The following NEMP2 variants were observed in gnomAD, a reference collection of about 807,000 sequenced individuals.
The protein encoded by NEMP2 is nuclear envelope integral membrane protein 2, also known as UPF0571 transmembrane protein.
NEMP2 carries 53 observed loss-of-function variants against 54.2 expected under a neutral mutation model. That is an observed-to-expected ratio of 0.98 (90% CI 0.78 to 1.23). The LOEUF (loss-of-function observed/expected upper bound fraction) is 1.23, where lower values mean the gene tolerates loss of function less well. Among genes scored for constraint, NEMP2 ranks in the 50% most tolerant of loss-of-function variants. The probability of loss-of-function intolerance (pLI) is 0.00; values close to 1 mark genes in which losing one functional copy is unlikely to be tolerated. For missense variants in NEMP2, 455 were observed against 511.3 expected (o/e 0.89, Z 1.06); for synonymous variants, 197 against 190.3 (o/e 1.04, Z -0.29).
At chr2:190,574,484 C>T in the NEMP2 span, among the ~76,000 whole-genome samples, 1 of 152,042 alleles carries the variant, frequency 6.6e-6, no homozygotes, top group Admixed American at 6.5e-5. Context: ...ATTCATATAC[C>T]ATATGTCACC....
At chr2:190,517,839 T>C (rs1415803609) in intron 4 of NEMP2, among the ~76,000 whole-genome samples, 6 of 152,230 alleles carry the variant, frequency 3.9e-5, no homozygotes, top group African/African-American at 9.6e-5. Flanking sequence ...ATTTTTCATA[T>C]TCAGGATCTG....
chr2:190,559,020 C>G, the NEMP2 span, among the ~76,000 whole-genome samples: 1 of 152,098 alleles, frequency 6.6e-6, no homozygotes, highest in Non-Finnish European at 1.5e-5. The surrounding 1 kb of genome is among the most constrained non-coding windows in gnomAD (Gnocchi z 4.0). Flanking sequence ...TTGCACTTCA[C>G]AATGTTTTCT....
chr2:190,631,114 C>T, the NEMP2 span, among the ~76,000 whole-genome samples: 1 of 152,090 alleles, frequency 6.6e-6, no homozygotes, highest in Admixed American at 6.5e-5. Flanking sequence ...GTATCAGCTA[C>T]AAAAATCTCA....
At chr2:190,575,416 C>G in the NEMP2 span, among the ~76,000 whole-genome samples, 1 of 151,440 alleles carries the variant, frequency 6.6e-6, no homozygotes, top group Non-Finnish European at 1.5e-5. Context: ...TTTTAAAGCT[C>G]TCATCTGTTC....
At chr2:190,630,657 T>A in the NEMP2 span, among the ~76,000 whole-genome samples, 3 of 152,214 alleles carry the variant, frequency 2.0e-5, no homozygotes, top group Non-Finnish European at 4.4e-5. This position sits in a 1 kb window ranked among gnomAD's most constrained non-coding sequence, Gnocchi z 5.5. Flanking sequence ...TTGACCTGGT[T>A]AATTTCATAG....
At chr2:190,437,329 A>C in the NEMP2 span, 3 of 1,614,128 alleles carry the variant, frequency 1.9e-6, no homozygotes, top group Admixed American at 3.3e-5. The surrounding 1 kb of genome is among the most constrained non-coding windows in gnomAD (Gnocchi z 5.9). Context: ...GCAGGCCTTC[A>C]ACTTTTGGGA....
the NEMP2 span, among the ~76,000 whole-genome samples, chr2:190,546,697 T>A: frequency 1.3e-5 from 2 of 152,174 alleles, no homozygotes; most frequent in South Asian, 4.1e-4. The surrounding 1 kb of genome is among the most constrained non-coding windows in gnomAD (Gnocchi z 5.1). Flanking sequence ...TTTACTGTGA[T>A]TTATAGGTCC....
the NEMP2 span, among the ~76,000 whole-genome samples, chr2:190,648,730 G>T: frequency 1.3e-5 from 2 of 151,178 alleles, no homozygotes; most frequent in Non-Finnish European, 3.0e-5. Context: ...CCCGGAGCGG[G>T]ACTCGCGGGA....
chr2:190,490,263 TA>T, the NEMP2 span, among the ~76,000 whole-genome samples: 37,293 of 143,900 alleles, frequency 0.26, 5,081 homozygotes, highest in South Asian at 0.34. This position sits in a 1 kb window ranked among gnomAD's most constrained non-coding sequence, Gnocchi z 4.5. Flanking sequence ...CTTCATTTGT[TA>T]AAAAAAAAAA....
At chr2:190,524,431 C>T (rs984381860) in intron 2 of NEMP2, among the ~76,000 whole-genome samples, 1 of 152,104 alleles carries the variant, frequency 6.6e-6, no homozygotes, top group Non-Finnish European at 1.5e-5. Flanking sequence ...ACTACCTTAA[C>T]CATGTGATTA....
the NEMP2 span, among the ~76,000 whole-genome samples, chr2:190,636,015 G>A: frequency 1.3e-5 from 2 of 152,180 alleles, no homozygotes; most frequent in East Asian, 1.9e-4. Flanking sequence ...ACAGGCGTGT[G>A]CCATCATGCC....
chr2:190,511,761 G>A (rs1690374746), intron 7 of NEMP2, among the ~76,000 whole-genome samples: 1 of 150,680 alleles, frequency 6.6e-6, no homozygotes, highest in South Asian at 2.1e-4. Flanking sequence ...TCACCATGTT[G>A]GTCAGGCTGG....
the NEMP2 span, among the ~76,000 whole-genome samples, chr2:190,549,233 G>T: frequency 1.3e-5 from 2 of 152,154 alleles, no homozygotes; most frequent in African/African-American, 4.8e-5. Context: ...TTTCAGTGAG[G>T]CTATAGGTTT....
rs1690258824 is a variant in NEMP2 at position 190,508,838 on chromosome 2, G to T, written c.*351C>A. On this transcript the variant is annotated 3_prime_UTR_variant, in exon 9 of 9. Transcript: ENST00000409150. The surrounding 1 kb of genome is among the most constrained non-coding windows in gnomAD (Gnocchi z 4.3). ...AGAGTCTTCTGACACAGGTTCAGGG[G>T]ATTAAGACCAGATTTAGTGCCCTGG... 3.9e-6 allele frequency: 1 copy of T among 257,670 alleles called. No individual in the cohort carries two copies. 16.0% of individuals were successfully genotyped at this position (257,670 alleles called of 1,614,324 possible).
At chr2:190,645,743 T>C in the NEMP2 span, among the ~76,000 whole-genome samples, 1 of 152,246 alleles carries the variant, frequency 6.6e-6, no homozygotes, top group African/African-American at 2.4e-5. Context: ...TGATTTTCCA[T>C]GTATAAGAAA....
chr2:190,537,688 G>C (rs978051235), upstream of NEMP2, among the ~76,000 whole-genome samples: 5 of 152,202 alleles, frequency 3.3e-5, no homozygotes, highest in African/African-American at 1.2e-4. Context: ...AGCAGAGCAT[G>C]AAAGTTTGGA....
At chr2:190,453,007 T>C in the NEMP2 span, among the ~76,000 whole-genome samples, 1 of 152,122 alleles carries the variant, frequency 6.6e-6, no homozygotes, top group African/African-American at 2.4e-5. Flanking sequence ...TGTTCTAGGG[T>C]TGCAGTGTTG....
intron 4 of NEMP2, 137 bp downstream of exon 4, chr2:190,518,599 T>C (rs1690644625): frequency 4.6e-6 from 3 of 653,568 alleles, no homozygotes; most frequent in Non-Finnish European, 7.7e-6. Context: ...TCCAATACCA[T>C]CTTCAGACCT....
chr2:190,486,834 G>A, the NEMP2 span, among the ~76,000 whole-genome samples: 1 of 152,182 alleles, frequency 6.6e-6, no homozygotes, highest in Non-Finnish European at 1.5e-5. Flanking sequence ...ATCTCGTCTA[G>A]CTATAAAACC....
Sources: allele counts gnomAD v4.1 joint callset (sites outside exome capture counted in the v4.1 genomes callset), GRCh38; gene constraint gnomAD v4.1.1; non-coding constraint Gnocchi (gnomAD v3.1); transcripts MANE v1.5; gene names NCBI Gene and HGNC (gene_info 2026-07-23, HGNC 2026-07-21).